Variants in DMD observed in about 807,000 individuals in gnomAD.
The protein encoded by DMD is mutant dystrophin.
A neutral mutation model predicts 330.1 loss-of-function variants in DMD; 63 were observed. That is an observed-to-expected ratio of 0.19 (90% CI 0.16 to 0.24). The LOEUF is 0.24. Ranked by LOEUF, DMD falls within the 10% of genes least tolerant of loss-of-function variation. DMD has a pLI of 1.00. For synonymous variants in DMD, 1,223 were observed against 959.8 expected (o/e 1.27, Z -5.07); for missense variants, 3,344 against 2,684.1 (o/e 1.25, Z -5.43).
At chrX:31,749,915 T>C (rs1164577003) in intron 51 of DMD, among the ~76,000 whole-genome samples, 1 of 106,647 alleles carries the variant, frequency 9.4e-6, no homozygotes, top group Non-Finnish European at 1.9e-5. Context: ...CATTTTTTCA[T>C]GTGTCTTTTG....
intron 64 of DMD, among the ~76,000 whole-genome samples, chrX:31,216,683 C>T (rs963844031): frequency 1.8e-5 from 2 of 111,664 alleles, no homozygotes; most frequent in Admixed American, 9.5e-5. Context: ...GGCAATAGAG[C>T]GCGGATTTGT....
intron 12 of DMD, among the ~76,000 whole-genome samples, chrX:32,610,378 C>A (rs147778816): frequency 9.0e-6 from 1 of 111,048 alleles, no homozygotes; most frequent in East Asian, 2.8e-4. Context: ...CATATAGGAT[C>A]AATTGCTTTA....
At position 32,738,597 on chromosome X, in the gene DMD, G is replaced by A. The variant is rs761319353; in HGVS notation, c.650-39304C>T. Among the ~76,000 whole-genome samples the A allele has an allele frequency of 1.9e-4, 21 of 111,157 alleles. No individual in the cohort carries two copies. The South Asian group carries it at 7.2e-3, about 38-fold the overall frequency. On this transcript the variant is annotated intron_variant, in intron 7 of 78. Transcript: ENST00000357033. ...ATCAGGTTTCTTTTCTTGGACTGCC[G>A]GTGACACAGCAGAACTAGTAATGTA... is the stretch of plus-strand genomic sequence containing the variant.
intron 11 of DMD, chrX:32,641,408 G>GTATATATATATATATA (rs72324944): frequency 3.3e-5 from 3 of 90,508 alleles, no homozygotes; most frequent in Admixed American, 1.4e-4. Context: ...TATTTTATAC[G>GTATATATATATATATA]TATATATATA....
At chrX:33,146,725 A>G (rs986137552) in intron 1 of DMD, among the ~76,000 whole-genome samples, 14 of 112,176 alleles carry the variant, frequency 1.2e-4, no homozygotes, top group African/African-American at 4.5e-4. Context: ...GATAATTAAC[A>G]TCATTTCAAT....
chrX:32,910,185 C>T lies in DMD; in HGVS notation c.94-60365G>A, dbSNP rs974858848. Among the ~76,000 whole-genome samples, 7 of 111,898 alleles carry T rather than the reference C, an allele frequency of 6.3e-5. No homozygotes were observed. The Admixed American group carries it at 6.7e-4, about 11-fold the overall frequency. On this transcript the variant is annotated intron_variant, in intron 2 of 78. Transcript: ENST00000357033. ...AAACCAAAGCACAACAAATGTCCTTCTGAACAAAAAGGTTTTCCAGACAGC... is the reference window on the plus strand; with the variant it reads ...AAACCAAAGCACAACAAATGTCCTTTTGAACAAAAAGGTTTTCCAGACAGC...
intron 11 of DMD, chrX:32,641,407 C>CATATATATATATATATATAT (rs1569366795): frequency 1.3e-4 from 8 of 63,199 alleles, no homozygotes; most frequent in African/African-American, 5.1e-4. Flanking sequence ...GTATTTTATA[C>CATATATATATATATATATAT]GTATATATAT....
At chrX:32,445,434 G>C (rs1020960091) in intron 27 of DMD, among the ~76,000 whole-genome samples, 4 of 111,026 alleles carry the variant, frequency 3.6e-5, no homozygotes, top group Non-Finnish European at 5.7e-5. Context: ...CTGGGATGGA[G>C]GAGGAGACTG....
At chrX:33,250,104 T>TAC (rs2052746985) in intron 1 of DMD, among the ~76,000 whole-genome samples, 1 of 98,477 alleles carries the variant, frequency 1.0e-5, no homozygotes, top group African/African-American at 4.2e-5. Flanking sequence ...TATATATATA[T>TAC]ATATATATCA....
At chrX:32,012,935 T>G (rs188181072) in intron 44 of DMD, among the ~76,000 whole-genome samples, 57 of 110,847 alleles carry the variant, frequency 5.1e-4, no homozygotes, top group Non-Finnish European at 9.6e-4. Context: ...GCTCTTCATA[T>G]ATATACTGAA....
chrX:33,272,517 G>A (rs983640155), intron 1 of DMD, among the ~76,000 whole-genome samples: 2 of 111,809 alleles, frequency 1.8e-5, no homozygotes, highest in African/African-American at 3.3e-5. Context: ...GCACCATAAA[G>A]TTTAAGTAAA....
intron 37 of DMD, among the ~76,000 whole-genome samples, chrX:32,357,512 T>C (rs1355356616): frequency 9.0e-6 from 1 of 111,171 alleles, no homozygotes; most frequent in Admixed American, 9.6e-5. Context: ...TGAAATTTCC[T>C]TTCCACTCCC....
chrX:31,272,494 C>A (rs1330645139), intron 62 of DMD, among the ~76,000 whole-genome samples: 1 of 112,180 alleles, frequency 8.9e-6, no homozygotes, highest in Non-Finnish European at 1.9e-5. Context: ...GCCAAATAAG[C>A]GGAATTTCAA....
rs1251123225 is a variant in DMD, at chrX:31,771,080, T to TA, written c.7542+2879dup. ...GCCTAATTTTTCACACATCAAACAT[T>TA]AAAGTTGGGATTGCTTTATTTAAAA... On this transcript the variant is annotated intron_variant, in intron 51 of 78. Coordinates refer to ENST00000357033, the MANE Select transcript of DMD (RefSeq NM_004006.3). 4.5e-5 allele frequency among the ~76,000 whole-genome samples: 5 copies of TA among 111,620 alleles called. No homozygotes were observed. The East Asian group carries it at 1.4e-3, about 31-fold the overall frequency.
chrX:32,421,052 C>A (rs140534320), intron 29 of DMD, among the ~76,000 whole-genome samples: 1 of 111,694 alleles, frequency 9.0e-6, no homozygotes, highest in Non-Finnish European at 1.9e-5. Flanking sequence ...TGGAAAAATG[C>A]TCCTCTCTCC....
At position 32,130,388 on chromosome X, in the gene DMD, T is replaced by TTATA. The variant is rs769215571; in HGVS notation, c.6438+86524_6438+86527dup. ...TATTATTTTCTATTGACACTGAGTT[T>TTATA]TATATATATATATATGTGAAATCTT... is the stretch of plus-strand genomic sequence containing the variant. On this transcript the variant is annotated intron_variant, in intron 44 of 78. Transcript: ENST00000357033. Among the ~76,000 whole-genome samples the TTATA allele has an allele frequency of 1.6e-3, 171 of 109,954 alleles. 1 individual carries two copies. The highest frequency in any genetic ancestry group is 5.1e-3 in the African/African-American group (155 of 30,166).
intron 67 of DMD, among the ~76,000 whole-genome samples, chrX:31,201,224 A>G (rs941687651): frequency 9.2e-6 from 1 of 109,139 alleles, no homozygotes; most frequent in Non-Finnish European, 1.9e-5. Flanking sequence ...TACACCAAAA[A>G]AATGCCAGGC....
intron 43 of DMD, among the ~76,000 whole-genome samples, chrX:32,218,420 G>C (rs1055822872): frequency 8.9e-6 from 1 of 111,893 alleles, no homozygotes; most frequent in African/African-American, 3.2e-5. Flanking sequence ...CCATCCTACA[G>C]ATTACCGGCT....
At chrX:31,782,103 G>A (rs2091042602) in intron 50 of DMD, among the ~76,000 whole-genome samples, 1 of 111,188 alleles carries the variant, frequency 9.0e-6, no homozygotes, top group African/African-American at 3.3e-5. Flanking sequence ...TGGCTGCCAA[G>A]GAATAATAAA....
Sources: allele counts gnomAD v4.1 joint callset (sites outside exome capture counted in the v4.1 genomes callset), GRCh38; gene constraint gnomAD v4.1.1; transcripts MANE v1.5; gene names NCBI Gene and HGNC (gene_info 2026-07-23, HGNC 2026-07-21).